MAGI2: variants seen among roughly 807,000 people sequenced by gnomAD.
The protein encoded by MAGI2 is membrane-associated guanylate kinase, WW and PDZ domain-containing protein 2.
Under a neutral mutation model 133.3 loss-of-function variants are expected in MAGI2, and 35 were observed. The ratio of observed to expected loss-of-function variants is 0.26; its 90% CI spans 0.20 to 0.35. The LOEUF (loss-of-function observed/expected upper bound fraction) is 0.35, where lower values mean the gene tolerates loss of function less well. Ranked by LOEUF, MAGI2 falls within the 10% of genes least tolerant of loss-of-function variation. The probability of loss-of-function intolerance (pLI) is 1.00; values close to 1 mark genes in which losing one functional copy is unlikely to be tolerated. For missense variants in MAGI2, 1,636 were observed against 1,863.4 expected (o/e 0.88, Z 2.25); for synonymous variants, 729 against 710.6 (o/e 1.03, Z -0.41).
In MAGI2 at chr7:78,761,247, A is replaced by G. The variant is rs117807642; in HGVS notation, c.419-134008T>C. Among the ~76,000 whole-genome samples the G allele has an allele frequency of 8.5e-4, 129 of 152,324 alleles. No individual in the cohort carries two copies. In the East Asian group the frequency reaches 0.011, roughly 13 times the overall value. On this transcript the variant is annotated intron_variant, in intron 2 of 21. Coordinates refer to ENST00000354212, the MANE Select transcript of MAGI2 (RefSeq NM_012301.4). ...GTCATTTCCCTCTCTTTCCCAGGAC[A>G]TGCAAGGCATGGGTGACTTGAAGAG...
intron 1 of MAGI2, among the ~76,000 whole-genome samples, chr7:79,272,296 A>C (rs1189725197): frequency 1.3e-5 from 2 of 152,122 alleles, no homozygotes; most frequent in African/African-American, 4.8e-5. Context: ...TTCTGTGTTA[A>C]ACCATGCGGC....
chr7:78,795,661 C>T (rs1053330499), intron 2 of MAGI2, among the ~76,000 whole-genome samples: 7 of 151,854 alleles, frequency 4.6e-5, no homozygotes, highest in South Asian at 2.1e-4. Context: ...TCCTAAAATT[C>T]GTACGGAATC....
intron 1 of MAGI2, among the ~76,000 whole-genome samples, chr7:79,138,782 G>A (rs909800246): frequency 2.0e-5 from 3 of 152,094 alleles, no homozygotes; most frequent in African/African-American, 7.2e-5. Flanking sequence ...AAGGCGGGCG[G>A]ATCACGAGGT....
intron 2 of MAGI2, among the ~76,000 whole-genome samples, chr7:78,708,888 TTTCTC>T (rs1818905781): frequency 1.3e-5 from 2 of 152,074 alleles, no homozygotes; most frequent in African/African-American, 4.8e-5. Flanking sequence ...ATAAGACATT[TTTCTC>T]TTCTTAGTTC....
chr7:79,431,490 T>G (rs560834357), intron 1 of MAGI2, among the ~76,000 whole-genome samples: 40 of 152,236 alleles, frequency 2.6e-4, no homozygotes, highest in Non-Finnish European at 4.3e-4. Context: ...TTGCTATTTA[T>G]AGTATTTTAT....
intron 3 of MAGI2, among the ~76,000 whole-genome samples, chr7:78,539,027 T>C (rs1798194334): frequency 6.6e-6 from 1 of 152,200 alleles, no homozygotes; most frequent in South Asian, 2.1e-4. Context: ...TCCAGTACTA[T>C]GTTGAATAAT....
intron 2 of MAGI2, among the ~76,000 whole-genome samples, chr7:78,979,028 G>C (rs1211450651): frequency 1.3e-5 from 2 of 151,870 alleles, no homozygotes; most frequent in African/African-American, 4.8e-5. Context: ...TGTAGTAATG[G>C]ATTCGAGTTG....
intron 2 of MAGI2, among the ~76,000 whole-genome samples, chr7:78,672,505 T>C (rs944263708): frequency 2.0e-5 from 3 of 152,200 alleles, no homozygotes; most frequent in Non-Finnish European, 2.9e-5. Context: ...GATGAAGGCA[T>C]GCTCTTGTTC....
chr7:78,501,820 T>G (rs549378417), intron 4 of MAGI2, 33 bp from the exon 5 acceptor site: 2 of 1,535,388 alleles, frequency 1.3e-6, no homozygotes, highest in South Asian at 2.2e-5. Context: ...GGTTAGTCAC[T>G]CCAACCATGG....
chr7:79,018,136 C>T (rs1393745341), intron 1 of MAGI2, among the ~76,000 whole-genome samples: 3 of 151,924 alleles, frequency 2.0e-5, no homozygotes, highest in African/African-American at 7.3e-5. Flanking sequence ...GAAGAAATGT[C>T]AAAGGCAGCT....
At chr7:78,599,550 C>G (rs1804963688) in intron 3 of MAGI2, among the ~76,000 whole-genome samples, 2 of 152,186 alleles carry the variant, frequency 1.3e-5, no homozygotes, top group South Asian at 4.1e-4. Flanking sequence ...TTTTTGAAAG[C>G]CAGAAATACC....
At chr7:78,944,276 G>C (rs1584465186) in intron 2 of MAGI2, among the ~76,000 whole-genome samples, 1 of 152,132 alleles carries the variant, frequency 6.6e-6, no homozygotes, top group Admixed American at 6.6e-5. Flanking sequence ...AATGTGACCA[G>C]AATGTGACAT....
chr7:79,379,222 T>G (rs1843615004), intron 1 of MAGI2, among the ~76,000 whole-genome samples: 2 of 151,480 alleles, frequency 1.3e-5, no homozygotes. Context: ...TTTGGTTTTT[T>G]GTCCTTGCGA....
chr7:79,053,139 AT>A, intron 1 of MAGI2, among the ~76,000 whole-genome samples: 1 of 151,746 alleles, frequency 6.6e-6, no homozygotes, highest in Non-Finnish European at 1.5e-5. Context: ...CGCCCGGCTA[AT>A]TTTTTTGTAT....
At chr7:78,523,924 T>C (rs1265638425) in intron 3 of MAGI2, among the ~76,000 whole-genome samples, 1 of 152,194 alleles carries the variant, frequency 6.6e-6, no homozygotes. Flanking sequence ...CAGACACTTA[T>C]GTTGCCTTTG....
At chr7:79,196,185 T>C (rs1828063196) in intron 1 of MAGI2, among the ~76,000 whole-genome samples, 1 of 151,840 alleles carries the variant, frequency 6.6e-6, no homozygotes, top group African/African-American at 2.4e-5. Context: ...AAATAACATG[T>C]TGTACATGGT....
chr7:78,391,212 C>T (rs750371006), intron 6 of MAGI2, among the ~76,000 whole-genome samples: 6 of 152,138 alleles, frequency 3.9e-5, no homozygotes, highest in African/African-American at 1.2e-4. Flanking sequence ...TATTGAATTC[C>T]TTGTACTACA....
intron 1 of MAGI2, among the ~76,000 whole-genome samples, chr7:79,250,856 T>C (rs1314459178): frequency 6.6e-6 from 1 of 152,176 alleles, no homozygotes; most frequent in Admixed American, 6.5e-5. Context: ...TGTAGAGCTA[T>C]AGTAACCAAG....
intron 2 of MAGI2, among the ~76,000 whole-genome samples, chr7:78,753,357 G>A (rs1207646460): frequency 1.3e-5 from 2 of 152,020 alleles, no homozygotes; most frequent in Non-Finnish European, 2.9e-5. Flanking sequence ...CTTTGTAGCA[G>A]ATAATAGACC....
Sources: allele counts gnomAD v4.1 joint callset (sites outside exome capture counted in the v4.1 genomes callset), GRCh38; gene constraint gnomAD v4.1.1; transcripts MANE v1.5; gene names NCBI Gene and HGNC (gene_info 2026-07-23, HGNC 2026-07-21).